The following SPATA18 variants were observed in gnomAD, a reference collection of about 807,000 sequenced individuals.
SPATA18 encodes the protein spermatogenesis associated 18.
In SPATA18, 54 loss-of-function variants were observed where a neutral mutation model predicts 68.1. The ratio of observed to expected loss-of-function variants is 0.79; its 90% CI spans 0.64 to 0.99. SPATA18 has a LOEUF of 0.99. Ranked by LOEUF, SPATA18 falls within the 50% of genes least tolerant of loss-of-function variation. The pLI, the probability that SPATA18 is intolerant of heterozygous loss-of-function variation, is 0.00. For synonymous variants in SPATA18, 242 were observed against 244.8 expected (o/e 0.99, Z 0.11); for missense variants, 724 against 681.1 (o/e 1.06, Z -0.70).
At chr4:52,078,414 A>G (rs1173922105) in intron 7 of SPATA18, 4 of 189,812 alleles carry the variant, frequency 2.1e-5, no homozygotes, top group Admixed American at 5.9e-5. Flanking sequence ...TTATTTCTTG[A>G]CCAGTAATGT....
intron 11 of SPATA18, among the ~76,000 whole-genome samples, chr4:52,085,926 A>C (rs112176646): frequency 5.0e-4 from 76 of 152,222 alleles, no homozygotes; most frequent in Admixed American, 1.9e-3. Flanking sequence ...AAAAGAAAAC[A>C]AAACTCCCCA....
At chr4:52,083,930 G>A (rs955567044) in intron 10 of SPATA18, among the ~76,000 whole-genome samples, 16 of 151,456 alleles carry the variant, frequency 1.1e-4, no homozygotes, top group Non-Finnish European at 1.8e-4. Flanking sequence ...TAGTAGAGAC[G>A]GGGTTTCACC....
chr4:52,078,893 T>C lies in SPATA18; in HGVS notation c.1179T>C (p.Asn393=), dbSNP rs746965708. 3.2e-6 allele frequency: 5 copies of C among 1,573,778 alleles called. No individual in the cohort carries two copies. ...LDLYDSQSSV[N]DVIRAMNVNP... ...TATATGATTCTCAAAGCAGTGTCAATGTAAGTGTTGAGTCTTTTATTAGGA... is the reference window on the plus strand; with the variant it reads ...TATATGATTCTCAAAGCAGTGTCAACGTAAGTGTTGAGTCTTTTATTAGGA... The change falls in exon 8 of 13, where the codon AAT becomes AAC. Residue 393 remains asparagine (N), a splice_region_variant and synonymous_variant. Coordinates refer to ENST00000295213, the MANE Select transcript of SPATA18 (RefSeq NM_145263.4).
At position 52,051,584 on chromosome 4, in the gene SPATA18, C is replaced by A; in HGVS notation, c.-121C>A. The A allele has an allele frequency of 1.1e-6, 1 of 948,422 alleles. No individual in the cohort carries two copies. The highest frequency in any genetic ancestry group is 1.7e-6 in the Non-Finnish European group (1 of 595,926). 58.8% of individuals were successfully genotyped at this position (948,422 alleles called of 1,614,324 possible). ...GGGGAGGATGGAAACACCTGCCGCG[C>A]TCTGAGCCCCCCAGAAGAGAACACC... On this transcript the variant is annotated 5_prime_UTR_variant, in exon 1 of 13. Coordinates refer to ENST00000295213, the MANE Select transcript of SPATA18 (RefSeq NM_145263.4).
chr4:52,083,018 G>T (rs1255824095), intron 10 of SPATA18: 1 of 985,228 alleles, frequency 1.0e-6, no homozygotes, highest in Non-Finnish European at 1.2e-6. Context: ...CAATCAGTTT[G>T]GGAAGGTCGC....
intron 1 of SPATA18, among the ~76,000 whole-genome samples, chr4:52,056,850 G>A (rs1270785131): frequency 6.6e-6 from 1 of 152,134 alleles, no homozygotes; most frequent in Non-Finnish European, 1.5e-5. Flanking sequence ...ATATGAGCAT[G>A]TCACACCCAC....
chr4:52,060,269 G>T, intron 1 of SPATA18, 150 bp from the exon 2 acceptor site: 1 of 600,606 alleles, frequency 1.7e-6, no homozygotes. Context: ...CAGGAGGAAA[G>T]GGAGATAGGT....
At chr4:52,056,539 A>G (rs1296798678) in intron 1 of SPATA18, among the ~76,000 whole-genome samples, 1 of 138,066 alleles carries the variant, frequency 7.2e-6, no homozygotes, top group Non-Finnish European at 1.7e-5. Context: ...ATTCCATCCG[A>G]AGGTCCTGCA....
At chr4:52,080,060 T>G (rs1740788512) in intron 9 of SPATA18, 141 bp downstream of exon 9, 1 of 849,554 alleles carries the variant, frequency 1.2e-6, no homozygotes, top group Non-Finnish European at 1.8e-6. Context: ...ACCATATACT[T>G]CTCTGTACTC....
intron 11 of SPATA18, among the ~76,000 whole-genome samples, chr4:52,091,531 C>G (rs1741951807): frequency 1.3e-5 from 2 of 152,314 alleles, no homozygotes; most frequent in Admixed American, 1.3e-4. Flanking sequence ...TCAGGCCCCT[C>G]TGCTGTCAGC....
chr4:52,073,606 TA>T (rs894724524), intron 6 of SPATA18, among the ~76,000 whole-genome samples: 58 of 152,166 alleles, frequency 3.8e-4, no homozygotes, highest in African/African-American at 1.3e-3. Flanking sequence ...AACTCATCTC[TA>T]AAAAAAGTTA....
intron 1 of SPATA18, among the ~76,000 whole-genome samples, chr4:52,057,223 C>A (rs1738430571): frequency 6.6e-6 from 1 of 151,782 alleles, no homozygotes; most frequent in Non-Finnish European, 1.5e-5. Flanking sequence ...GCTTTGTTTC[C>A]AGGGCCTTAC....
chr4:52,077,970 C>T (rs897681292), intron 7 of SPATA18, among the ~76,000 whole-genome samples: 1 of 152,096 alleles, frequency 6.6e-6, no homozygotes, highest in Non-Finnish European at 1.5e-5. Flanking sequence ...TGAACTTTAT[C>T]CTGTATTTAT....
rs888193209 is a variant in SPATA18, at chr4:52,051,480, G to A, written c.-225G>A. ...GCTGGGGAGCCAGGAGACCGCGCGG[G>A]ACGGCGGATGAGGCGCGGCGGCTGC... is the stretch of plus-strand genomic sequence containing the variant. On this transcript the variant is annotated 5_prime_UTR_variant, in exon 1 of 13. Transcript: ENST00000295213. 16 of 547,704 alleles carry A rather than the reference G, an allele frequency of 2.9e-5. No homozygotes were observed. Among genetic ancestry groups the A allele is most frequent in the Non-Finnish European group, 4.2e-5 (13 of 307,502 alleles). The allele number at this position is 547,704 out of a possible 1,614,324, so 33.9% of individuals were successfully genotyped here.
chr4:52,089,560 C>A (rs1159336782), intron 11 of SPATA18, among the ~76,000 whole-genome samples: 1 of 152,178 alleles, frequency 6.6e-6, no homozygotes, highest in Non-Finnish European at 1.5e-5. Flanking sequence ...CATTCAGGAG[C>A]AGGTTGTTCA....
chr4:52,097,088 A>T lies in SPATA18; in HGVS notation c.*2201A>T, dbSNP rs968297937. On this transcript the variant is annotated 3_prime_UTR_variant, in exon 13 of 13. Coordinates refer to ENST00000295213, the MANE Select transcript of SPATA18 (RefSeq NM_145263.4). Reference sequence around the variant, plus strand: ...ATAGTCTGGAAAATTTTTGGAAAGAATCCACAAAGCCAAAGGAGACTGGCC... The same window carrying T: ...ATAGTCTGGAAAATTTTTGGAAAGATTCCACAAAGCCAAAGGAGACTGGCC... 1.3e-5 allele frequency: 2 copies of T among 152,174 alleles called. No homozygotes were observed. The highest frequency in any genetic ancestry group is 2.9e-5 in the Non-Finnish European group (2 of 68,028). The allele number at this position is 152,174 out of a possible 1,614,324, so 9.4% of individuals were successfully genotyped here. A position where few individuals can be genotyped will look rare whatever the true frequency, so the allele number is the denominator to read the frequency against.
intron 11 of SPATA18, among the ~76,000 whole-genome samples, chr4:52,092,311 C>A (rs749618586): frequency 1.3e-5 from 2 of 151,932 alleles, no homozygotes; most frequent in Non-Finnish European, 2.9e-5. Context: ...AATTGGCTGC[C>A]CAGTTTTGTG....
chr4:52,085,046 G>C, intron 11 of SPATA18, 47 bp downstream of exon 11: 2 of 1,348,592 alleles, frequency 1.5e-6, no homozygotes, highest in Non-Finnish European at 2.0e-6. Context: ...TCTATGGTTG[G>C]CTTTTTTTTT....
At position 52,094,919 on chromosome 4, in the gene SPATA18, G is replaced by T; in HGVS notation, c.*32G>T. On this transcript the variant is annotated 3_prime_UTR_variant, in exon 13 of 13. Coordinates refer to ENST00000295213, the MANE Select transcript of SPATA18 (RefSeq NM_145263.4). ...CAGACCTGCTCCTTTGACCCAGTGCGTGGAAACAGCTGCTTTCTCCAGTGC... is the reference window on the plus strand; with the variant it reads ...CAGACCTGCTCCTTTGACCCAGTGCTTGGAAACAGCTGCTTTCTCCAGTGC... The T allele has an allele frequency of 6.2e-7, 1 of 1,613,782 alleles. No homozygotes were observed. The highest frequency in any genetic ancestry group is 1.3e-5 in the African/African-American group (1 of 75,024).
Sources: allele counts gnomAD v4.1 joint callset (sites outside exome capture counted in the v4.1 genomes callset), GRCh38; gene constraint gnomAD v4.1.1; transcripts MANE v1.5; gene names NCBI Gene and HGNC (gene_info 2026-07-23, HGNC 2026-07-21).